Variants in DPYD observed in about 807,000 individuals in gnomAD.
DPYD encodes dihydropyrimidine dehydrogenase.
Under a neutral mutation model 116.2 loss-of-function variants are expected in DPYD, and 109 were observed. That is an observed-to-expected ratio of 0.94 (90% confidence interval 0.80 to 1.10). The LOEUF is 1.10. Among genes scored for constraint, DPYD ranks in the 50% least tolerant of loss-of-function variants. DPYD has a pLI of 0.00. For synonymous variants in DPYD, 440 were observed against 432.0 expected (o/e 1.02, Z -0.23); for missense variants, 1,302 against 1,254.5 (o/e 1.04, Z -0.57).
At chr1:97,632,012 A>G (rs1657289889) in intron 8 of DPYD, among the ~76,000 whole-genome samples, 1 of 152,124 alleles carries the variant, frequency 6.6e-6, no homozygotes, top group Non-Finnish European at 1.5e-5. Context: ...GGATGCCAAA[A>G]GTGCATAAGC....
chr1:97,887,317 A>G (rs1672546342), intron 1 of DPYD, among the ~76,000 whole-genome samples: 1 of 151,576 alleles, frequency 6.6e-6, no homozygotes, highest in Non-Finnish European at 1.5e-5. Flanking sequence ...AAAAAATACA[A>G]AAATTAGCCG....
intron 1 of DPYD, among the ~76,000 whole-genome samples, chr1:97,907,720 C>G (rs376826573): frequency 5.7e-4 from 86 of 152,108 alleles, no homozygotes; most frequent in African/African-American, 2.0e-3. Context: ...CGTTCTTTGT[C>G]CTTCCTCTTT....
At chr1:97,272,938 T>C (rs1263055559) in intron 18 of DPYD, among the ~76,000 whole-genome samples, 1 of 152,122 alleles carries the variant, frequency 6.6e-6, no homozygotes, top group Non-Finnish European at 1.5e-5. Flanking sequence ...TCCCGTCAGT[T>C]TCAGAGGAGA....
rs1268745487 is a variant in DPYD, at chr1:97,134,011, AAAAATATATATATATAT to A, written c.2623-35396_2623-35380del. Reference sequence around the variant, plus strand: ...CAGACTCTGTTTCAAAAAAAAAAAAAAAAATATATATATATATATATATATATATATATATATATATA... The same window carrying A: ...CAGACTCTGTTTCAAAAAAAAAAAAAATATATATATATATATATATATATA... On this transcript the variant is annotated intron_variant, in intron 20 of 22. Transcript: ENST00000370192. Among the ~76,000 whole-genome samples the A allele has an allele frequency of 9.5e-3, 335 of 35,196 alleles. 35 individuals are homozygous for A. The highest frequency in any genetic ancestry group is 0.014 in the Non-Finnish European group (274 of 20,022). 23.1% of individuals were successfully genotyped at this position (35,196 alleles called of 152,430 possible).
chr1:97,766,303 G>A (rs1316343120), intron 3 of DPYD, among the ~76,000 whole-genome samples: 2 of 151,908 alleles, frequency 1.3e-5, no homozygotes, highest in African/African-American at 4.8e-5. Flanking sequence ...TATACCTAAT[G>A]GATTTATGAA....
intron 16 of DPYD, among the ~76,000 whole-genome samples, chr1:97,356,993 T>C (rs1670457556): frequency 6.6e-6 from 1 of 152,214 alleles, no homozygotes; most frequent in Non-Finnish European, 1.5e-5. Flanking sequence ...CTGACTTGGC[T>C]ATTCAGGGTT....
At chr1:97,898,418 T>C (rs1673189712) in intron 1 of DPYD, among the ~76,000 whole-genome samples, 1 of 151,860 alleles carries the variant, frequency 6.6e-6, no homozygotes, top group South Asian at 2.1e-4. Flanking sequence ...CTTTGTGTGG[T>C]TTCCCCCTTC....
At chr1:97,732,997 A>C (rs1663718028) in intron 4 of DPYD, among the ~76,000 whole-genome samples, 1 of 152,268 alleles carries the variant, frequency 6.6e-6, no homozygotes, top group Admixed American at 6.5e-5. Flanking sequence ...ACTACACAGC[A>C]AAGAAATTAA....
chr1:97,571,477 G>A (rs1400014114), intron 11 of DPYD, among the ~76,000 whole-genome samples: 1 of 151,788 alleles, frequency 6.6e-6, no homozygotes, highest in African/African-American at 2.4e-5. Flanking sequence ...AATATACTAA[G>A]GACTGAAAGG....
intron 19 of DPYD, among the ~76,000 whole-genome samples, chr1:97,200,842 G>A (rs1178571287): frequency 3.9e-5 from 6 of 152,098 alleles, no homozygotes; most frequent in Non-Finnish European, 7.3e-5. Flanking sequence ...TGGCAGACCC[G>A]CCTGGTTTGA....
intron 10 of DPYD, among the ~76,000 whole-genome samples, chr1:97,580,823 A>G (rs1484873346): frequency 6.6e-6 from 1 of 152,198 alleles, no homozygotes; most frequent in Admixed American, 6.5e-5. Context: ...TTTAGCCAAC[A>G]GGATTAAGCC....
chr1:97,562,804 T>C (rs1307272301), intron 11 of DPYD, among the ~76,000 whole-genome samples: 2 of 152,148 alleles, frequency 1.3e-5, no homozygotes, highest in African/African-American at 2.4e-5. Context: ...CTGCAACCTC[T>C]GCCTCCTGGG....
chr1:97,819,920 T>C (rs1349911790), intron 3 of DPYD, among the ~76,000 whole-genome samples: 2 of 152,068 alleles, frequency 1.3e-5, no homozygotes, highest in East Asian at 3.8e-4. Context: ...AATATCTATA[T>C]AATACATACC....
At chr1:97,329,577 T>A (rs1668877192) in intron 16 of DPYD, among the ~76,000 whole-genome samples, 1 of 151,208 alleles carries the variant, frequency 6.6e-6, no homozygotes, top group Non-Finnish European at 1.5e-5. Flanking sequence ...CAAAACCCGG[T>A]ATCTACTAAA....
chr1:97,215,541 T>C (rs2101880516), intron 19 of DPYD, among the ~76,000 whole-genome samples: 1 of 152,320 alleles, frequency 6.6e-6, no homozygotes, highest in East Asian at 1.9e-4. Flanking sequence ...ATTCAAATTG[T>C]ATGTTCAAAA....
chr1:97,411,745 AG>A (rs1381884341), intron 14 of DPYD, among the ~76,000 whole-genome samples: 5 of 152,192 alleles, frequency 3.3e-5, no homozygotes, highest in African/African-American at 1.2e-4. Context: ...GTTTCTTCTC[AG>A]AAGCATGACA....
intron 20 of DPYD, among the ~76,000 whole-genome samples, chr1:97,176,897 T>TGTGGG (rs1553228786): frequency 2.5e-5 from 2 of 79,670 alleles, no homozygotes; most frequent in Non-Finnish European, 2.3e-5. Flanking sequence ...TGTGTGTGTG[T>TGTGGG]AGGGGGGGTG....
chr1:97,608,000 G>T (rs1364657265), intron 8 of DPYD, among the ~76,000 whole-genome samples: 1 of 151,866 alleles, frequency 6.6e-6, no homozygotes, highest in African/African-American at 2.4e-5. Flanking sequence ...TACATATATT[G>T]TAACTATTAG....
chr1:97,540,344 T>TGGGGGGTGGG (rs1650339580), intron 12 of DPYD, among the ~76,000 whole-genome samples: 4 of 6,482 alleles, frequency 6.2e-4, no homozygotes, highest in Non-Finnish European at 1.2e-3. Context: ...GGGGTGGGGG[T>TGGGGGGTGGG]GGCGGCGGGG....
Sources: gnomAD v4.1 joint callset for allele counts (sites outside exome capture counted in the v4.1 genomes callset) on GRCh38, gnomAD v4.1.1 for gene constraint, MANE v1.5 for transcripts, NCBI Gene and HGNC (gene_info 2026-07-23, HGNC 2026-07-21) for gene names.